Variants in RUNX3 observed in about 807,000 individuals in gnomAD.
RUNX3 encodes the protein RUNX family transcription factor 3.
RUNX3 carries 10 observed loss-of-function variants against 27.7 expected under a neutral mutation model. The ratio of observed to expected loss-of-function variants is 0.36; its 90% CI spans 0.22 to 0.61. The LOEUF (loss-of-function observed/expected upper bound fraction) is 0.61. RUNX3 is among the 20% of genes least tolerant of loss of function. The pLI is 0.72. For missense variants in RUNX3, 469 were observed against 629.5 expected (o/e 0.75, Z 2.73); for synonymous variants, 270 against 269.2 (o/e 1.00, Z -0.03).
intron 2 of RUNX3, among the ~76,000 whole-genome samples, chr1:24,920,670 G>C (rs1640981440): frequency 6.6e-6 from 1 of 152,170 alleles, no homozygotes; most frequent in East Asian, 1.9e-4. Context: ...GTGGCCATCA[G>C]TTTCCCCGGG....
intron 3 of RUNX3, among the ~76,000 whole-genome samples, chr1:24,911,680 G>A (rs1160048871): frequency 6.6e-6 from 1 of 152,254 alleles, no homozygotes; most frequent in Non-Finnish European, 1.5e-5. Context: ...CACAGAGCCT[G>A]AGCAGCAAGG....
At chr1:24,940,078 G>T (rs545657346) in intron 2 of RUNX3, among the ~76,000 whole-genome samples, 9 of 152,226 alleles carry the variant, frequency 5.9e-5, no homozygotes, top group Non-Finnish European at 2.9e-5. Context: ...GGCTTGGGGG[G>T]TAAGAGCTCC....
chr1:24,929,315 G>A (rs1191170608), intron 1 of RUNX3: 6 of 671,908 alleles, frequency 8.9e-6, no homozygotes. Flanking sequence ...AACCCCATCC[G>A]CCCATTTCCG....
chr1:24,951,088 C>T (rs1341267461), intron 2 of RUNX3, among the ~76,000 whole-genome samples: 1 of 151,294 alleles, frequency 6.6e-6, no homozygotes, highest in East Asian at 2.0e-4. Flanking sequence ...TGCCTGTAAT[C>T]CCAGCTACTC....
chr1:24,919,152 G>A (rs1640945405), intron 3 of RUNX3, 88 bp downstream of exon 3: 5 of 762,352 alleles, frequency 6.6e-6, no homozygotes, highest in Middle Eastern at 3.3e-4. Flanking sequence ...CCCCGAGGAG[G>A]GCTCCATCTG....
chr1:24,932,485 C>G (rs2124316572), upstream of RUNX3, among the ~76,000 whole-genome samples: 1 of 152,252 alleles, frequency 6.6e-6, no homozygotes, highest in South Asian at 2.1e-4. Context: ...CCAGCTGCGG[C>G]CCCGGGTGCA....
In RUNX3 at chr1:24,907,290, G is replaced by T. The variant is rs2124250339; in HGVS notation, c.672C>A (p.His224Gln). 1.2e-6 allele frequency: 2 copies of T among 1,612,204 alleles called. No homozygotes were observed. Among genetic ancestry groups the T allele is most frequent in the South Asian group, 2.2e-5 (2 of 91,070 alleles). ...TTGGGGTCTGGGGCTGGCTGCTGAA[G>T]TGGCTTGTGGTGCTGAGTGAGCCTC... is the stretch of plus-strand genomic sequence containing the variant. ...SPRGSLSTTS[H>Q]FSSQPQTPIQ... is the part of the protein sequence containing the mutation. The change falls in exon 4 of 5, where the codon CAC becomes CAA. Residue 224 changes from histidine to glutamine, a missense_variant. Coordinates refer to ENST00000308873, the MANE Select transcript of RUNX3 (RefSeq NM_004350.3).
Position 24,902,476 on chromosome 1 carries a change from C to A in RUNX3, c.894G>T (p.Pro298=). 3 of 1,600,098 alleles carry A rather than the reference C, an allele frequency of 1.9e-6. No individual in the cohort carries two copies. Among genetic ancestry groups the A allele is most frequent in the Non-Finnish European group, 2.6e-6 (3 of 1,169,958 alleles). Residue 298 remains proline (P), a synonymous_variant, in exon 5 of 5, where the codon CCG becomes CCT. Transcript: ENST00000308873. This position sits in a 1 kb window ranked among gnomAD's most constrained non-coding sequence, Gnocchi z 9.2. Reference sequence around the variant, plus strand: ...AGGTATGGTGGAAGCGGCTGGTGGCCGGCATGCCCGCCACGCTGAGGCTGC... The same window carrying A: ...AGGTATGGTGGAAGCGGCTGGTGGCAGGCATGCCCGCCACGCTGAGGCTGC... ...SISSLSVAGM[P]ATSRFHHTYL...
At chr1:24,915,280 T>C (rs1640867399) in intron 3 of RUNX3, among the ~76,000 whole-genome samples, 1 of 151,972 alleles carries the variant, frequency 6.6e-6, no homozygotes, top group African/African-American at 2.4e-5. Flanking sequence ...AAAAATTAGC[T>C]GGGTGTGGTG....
chr1:24,936,936 G>A (rs773761170), intron 2 of RUNX3, among the ~76,000 whole-genome samples: 7 of 152,146 alleles, frequency 4.6e-5, no homozygotes, highest in African/African-American at 7.2e-5. Flanking sequence ...TTCCAGCATC[G>A]CCCTTGGAAA....
chr1:24,919,571 T>C (rs1023499381), intron 2 of RUNX3, among the ~76,000 whole-genome samples: 20 of 152,068 alleles, frequency 1.3e-4, no homozygotes, highest in Admixed American at 1.1e-3. Flanking sequence ...CCCCGCCCCA[T>C]GCCGTGACCA....
chr1:24,952,463 C>T (rs749066946), intron 2 of RUNX3, among the ~76,000 whole-genome samples: 39 of 152,340 alleles, frequency 2.6e-4, no homozygotes, highest in Middle Eastern at 3.4e-3. Context: ...TTGTTTGAAA[C>T]AACCAATCCC....
In RUNX3 at chr1:24,900,734, C is replaced by T. The variant is rs1329950023; in HGVS notation, c.*1388G>A. ...TCCTAGAGCCACAGAGGAGAGATGCCCAGCGTCTCATCAGCGTTTCCCTCG... is the reference window on the plus strand; with the variant it reads ...TCCTAGAGCCACAGAGGAGAGATGCTCAGCGTCTCATCAGCGTTTCCCTCG... On this transcript the variant is annotated 3_prime_UTR_variant, in exon 5 of 5. Coordinates refer to ENST00000308873, the MANE Select transcript of RUNX3 (RefSeq NM_004350.3). 1 of 152,402 alleles carries T rather than the reference C, an allele frequency of 6.6e-6. No individual in the cohort carries two copies. Among genetic ancestry groups the T allele is most frequent in the African/African-American group, 2.4e-5 (1 of 41,450 alleles). 9.4% of individuals were successfully genotyped at this position (152,402 alleles called of 1,614,324 possible). A position where few individuals can be genotyped will look rare whatever the true frequency, so the allele number is the denominator to read the frequency against.
intron 2 of RUNX3, among the ~76,000 whole-genome samples, chr1:24,940,216 G>A (rs1641444553): frequency 6.6e-6 from 1 of 152,220 alleles, no homozygotes; most frequent in Admixed American, 6.5e-5. Flanking sequence ...TAGAGATCAA[G>A]TTGAGACCAG....
chr1:24,959,235 CCGCCAGAGTG>C (rs948141732), intron 2 of RUNX3, among the ~76,000 whole-genome samples: 1 of 152,206 alleles, frequency 6.6e-6, no homozygotes, highest in African/African-American at 2.4e-5. Flanking sequence ...GGCCTCCAGC[CCGCCAGAGTG>C]GGTGCGGTGA....
intron 3 of RUNX3, among the ~76,000 whole-genome samples, chr1:24,908,177 G>GACACGCGGTGATCCGAAC (rs1557837311): frequency 3.8e-4 from 24 of 63,936 alleles, no homozygotes; most frequent in African/African-American, 1.2e-3. Context: ...GTGATCCGAA[G>GACACGCGGTGATCCGAAC]CTCTACGACA....
chr1:24,910,496 C>T (rs1212565943), intron 3 of RUNX3, among the ~76,000 whole-genome samples: 2 of 152,104 alleles, frequency 1.3e-5, no homozygotes, highest in Non-Finnish European at 2.9e-5. Context: ...AAAAGCCTGT[C>T]GACCACTGTA....
chr1:24,904,675 C>T lies in RUNX3; in HGVS notation c.704-2009G>A, dbSNP rs954218579. ...AACAAATGGGGACCGCAGGATACAACGGCAGGACTGTGCCCCTCAGAGCTC... is the reference window on the plus strand; with the variant it reads ...AACAAATGGGGACCGCAGGATACAATGGCAGGACTGTGCCCCTCAGAGCTC... On this transcript the variant is annotated intron_variant, in intron 4 of 4. Coordinates refer to ENST00000308873, the MANE Select transcript of RUNX3 (RefSeq NM_004350.3). This position sits in a 1 kb window ranked among gnomAD's most constrained non-coding sequence, Gnocchi z 5.7. 6.6e-6 allele frequency among the ~76,000 whole-genome samples: 1 copy of T among 152,158 alleles called. No homozygotes were observed. Among genetic ancestry groups the T allele is most frequent in the Non-Finnish European group, 1.5e-5 (1 of 68,012 alleles).
At chr1:24,956,252 G>A (rs890325201) in intron 2 of RUNX3, among the ~76,000 whole-genome samples, 11 of 152,300 alleles carry the variant, frequency 7.2e-5, no homozygotes, top group African/African-American at 2.6e-4. Flanking sequence ...TTCCTGGGAG[G>A]GTGGGACTGC....
Sources: gnomAD v4.1 joint callset for allele counts (sites outside exome capture counted in the v4.1 genomes callset) on GRCh38, gnomAD v4.1.1 for gene constraint, Gnocchi (gnomAD v3.1) non-coding constraint, MANE v1.5 for transcripts, NCBI Gene and HGNC (gene_info 2026-07-23, HGNC 2026-07-21) for gene names.